AOPEP: variants seen among roughly 807,000 people sequenced by gnomAD.
The protein encoded by AOPEP is aminopeptidase O.
A neutral mutation model predicts 98.1 loss-of-function variants in AOPEP; 77 were observed. The ratio of observed to expected loss-of-function variants is 0.78; its 90% CI spans 0.65 to 0.95. The LOEUF is 0.95. Among genes scored for constraint, AOPEP ranks in the 40% least tolerant of loss-of-function variants. The pLI, the probability that AOPEP is intolerant of heterozygous loss-of-function variation, is 0.00. For missense variants in AOPEP, 1,024 were observed against 1,024.7 expected (o/e 1.00, Z 0.01); for synonymous variants, 346 against 365.3 (o/e 0.95, Z 0.60).
intron 10 of AOPEP, among the ~76,000 whole-genome samples, chr9:94,978,654 G>C (rs1483101417): frequency 6.6e-6 from 1 of 152,108 alleles, no homozygotes; most frequent in Admixed American, 6.5e-5. Context: ...TTGAGGGGAT[G>C]GGTGTGCTTT....
intron 1 of AOPEP, among the ~76,000 whole-genome samples, chr9:94,744,761 ATTTAG>A (rs886736200): frequency 3.4e-4 from 51 of 151,544 alleles, no homozygotes; most frequent in African/African-American, 1.1e-3. Context: ...CGATAAAATT[ATTTAG>A]TTTAAATTAT....
chr9:94,883,691 C>G (rs1209322470), intron 5 of AOPEP, among the ~76,000 whole-genome samples: 6 of 152,160 alleles, frequency 3.9e-5, no homozygotes, highest in African/African-American at 1.2e-4. Context: ...TAATAAAGTT[C>G]TAAGAATAAG....
chr9:94,853,948 A>G (rs938546670), intron 5 of AOPEP, among the ~76,000 whole-genome samples: 1 of 152,202 alleles, frequency 6.6e-6, no homozygotes, highest in African/African-American at 2.4e-5. Flanking sequence ...CAGATTATCA[A>G]TCACCTCTTA....
intron 5 of AOPEP, chr9:94,904,874 A>T (rs1202103896): frequency 6.6e-6 from 1 of 152,230 alleles, no homozygotes; most frequent in Non-Finnish European, 1.5e-5. Context: ...TTAATATTGC[A>T]TGATCTGTGG....
At chr9:94,932,063 G>A in intron 7 of AOPEP, 4 of 1,117,848 alleles carry the variant, frequency 3.6e-6, no homozygotes, top group Non-Finnish European at 4.4e-6. Context: ...TAAACCCAGG[G>A]ACGGAAACTC....
intron 5 of AOPEP, among the ~76,000 whole-genome samples, chr9:94,850,990 C>G (rs2043477729): frequency 6.6e-6 from 1 of 152,224 alleles, no homozygotes; most frequent in Non-Finnish European, 1.5e-5. Context: ...CTGATCACAT[C>G]TAGCAATGTG....
At chr9:95,116,903 C>A in the AOPEP span, among the ~76,000 whole-genome samples, 1 of 152,196 alleles carries the variant, frequency 6.6e-6, no homozygotes, top group Admixed American at 6.5e-5. Context: ...CTTCATCCAT[C>A]ATTTTGTCTT....
intron 5 of AOPEP, among the ~76,000 whole-genome samples, chr9:94,867,710 A>T (rs1165118633): frequency 6.6e-6 from 1 of 152,104 alleles, no homozygotes; most frequent in East Asian, 1.9e-4. Flanking sequence ...GTTAGAATGA[A>T]ACTGTAGTCA....
At chr9:95,040,722 A>G (rs568568876) in intron 13 of AOPEP, among the ~76,000 whole-genome samples, 1 of 152,342 alleles carries the variant, frequency 6.6e-6, no homozygotes, top group Non-Finnish European at 1.5e-5. Context: ...GTGGGACCAC[A>G]CATGACAGAG....
chr9:94,736,740 T>C (rs1173164964), intron 1 of AOPEP, among the ~76,000 whole-genome samples: 1 of 152,008 alleles, frequency 6.6e-6, no homozygotes, highest in Non-Finnish European at 1.5e-5. Context: ...GTACTTACCT[T>C]GGGCCCACAG....
intron 1 of AOPEP, among the ~76,000 whole-genome samples, chr9:94,727,501 G>A (rs886518884): frequency 4.1e-4 from 62 of 152,166 alleles, no homozygotes; most frequent in African/African-American, 1.4e-3. Context: ...AACATAACCC[G>A]CTAGGGATGT....
intron 10 of AOPEP, among the ~76,000 whole-genome samples, chr9:94,970,884 GA>G (rs537748781): frequency 1.2e-4 from 18 of 151,942 alleles, no homozygotes; most frequent in African/African-American, 4.3e-4. Flanking sequence ...CTAAAACCGA[GA>G]AAAAAAGAAA....
At chr9:94,787,593 G>A (rs1271691235) in intron 3 of AOPEP, among the ~76,000 whole-genome samples, 1 of 152,128 alleles carries the variant, frequency 6.6e-6, no homozygotes, top group African/African-American at 2.4e-5. Flanking sequence ...TTTCTTAATA[G>A]GCTAGTGCCT....
At chr9:94,846,582 T>C (rs2042890387) in intron 5 of AOPEP, among the ~76,000 whole-genome samples, 1 of 152,076 alleles carries the variant, frequency 6.6e-6, no homozygotes, top group African/African-American at 2.4e-5. Flanking sequence ...CAGAGCACAT[T>C]TGTGTGCTGA....
At chr9:95,008,019 C>G (rs895941565) in intron 13 of AOPEP, among the ~76,000 whole-genome samples, 21 of 152,160 alleles carry the variant, frequency 1.4e-4, no homozygotes, top group Admixed American at 9.8e-4. Context: ...TTTCCTGCAT[C>G]CACTATATTT....
chr9:94,802,730 G>C (rs1283834365), intron 5 of AOPEP, among the ~76,000 whole-genome samples: 1 of 152,164 alleles, frequency 6.6e-6, no homozygotes, highest in Non-Finnish European at 1.5e-5. Flanking sequence ...TTTGTGGTTG[G>C]TTGTCAAATA....
intron 1 of AOPEP, among the ~76,000 whole-genome samples, chr9:94,752,717 A>G (rs940946528): frequency 2.0e-5 from 3 of 152,242 alleles, no homozygotes; most frequent in Non-Finnish European, 4.4e-5. Context: ...AACAATATCT[A>G]CCATCTTCCA....
chr9:94,881,904 C>T (rs1017388108), intron 5 of AOPEP, among the ~76,000 whole-genome samples: 2 of 152,178 alleles, frequency 1.3e-5, no homozygotes, highest in Non-Finnish European at 2.9e-5. Flanking sequence ...TTAATACCCT[C>T]CTCAGGTTGG....
At chr9:95,106,927 C>T in the AOPEP span, 9 of 838,726 alleles carry the variant, frequency 1.1e-5, no homozygotes, top group Non-Finnish European at 1.6e-5. Context: ...TCCCAGCTGT[C>T]AACCTCCTTG....
Sources: gnomAD v4.1 joint callset for allele counts (sites outside exome capture counted in the v4.1 genomes callset) on GRCh38, gnomAD v4.1.1 for gene constraint, MANE v1.5 for transcripts, NCBI Gene and HGNC (gene_info 2026-07-23, HGNC 2026-07-21) for gene names.